Variants in CYB5R4 observed in about 807,000 individuals in gnomAD.
The protein encoded by CYB5R4 is cytochrome b5 reductase 4, also known as N-terminal cytochrome b5 and cytochrome b5 oxidoreductase domain-containing protein.
CYB5R4 carries 55 observed loss-of-function variants against 70.2 expected under a neutral mutation model. The ratio of observed to expected loss-of-function variants is 0.78; its 90% CI spans 0.63 to 0.98. The LOEUF is 0.98. Among genes scored for constraint, CYB5R4 ranks in the 50% least tolerant of loss-of-function variants. The pLI is 0.00. For synonymous variants in CYB5R4, 197 were observed against 199.5 expected (o/e 0.99, Z 0.11); for missense variants, 562 against 612.6 (o/e 0.92, Z 0.87).
chr6:83,871,208 G>C (rs1312954972), intron 2 of CYB5R4, among the ~76,000 whole-genome samples: 1 of 152,018 alleles, frequency 6.6e-6, no homozygotes, highest in Non-Finnish European at 1.5e-5. Context: ...TGGAACTCCT[G>C]ATCGCAGGTG....
chr6:83,899,084 T>C (rs1224565176), intron 3 of CYB5R4, among the ~76,000 whole-genome samples: 6 of 152,336 alleles, frequency 3.9e-5, no homozygotes, highest in African/African-American at 1.4e-4. Flanking sequence ...CCATTCAGTA[T>C]GATATTGGCT....
At position 83,921,172 on chromosome 6, in the gene CYB5R4, A is replaced by G; in HGVS notation, c.655A>G (p.Ile219Val). The G allele has an allele frequency of 6.7e-7, 1 of 1,492,004 alleles. No homozygotes were observed. The highest frequency in any genetic ancestry group is 9.1e-7 in the Non-Finnish European group (1 of 1,102,856). The allele number at this position is 1,492,004 out of a possible 1,614,324, so 92.4% of individuals were successfully genotyped here. Residue 219 changes from isoleucine to valine, a missense_variant, in exon 8 of 16, where the codon ATT becomes GTT. By Grantham distance (29) the Ile-to-Val change is conservative. Coordinates refer to ENST00000369681, the MANE Select transcript of CYB5R4 (RefSeq NM_016230.4). The stretch of plus-strand genomic sequence containing the variant: ...TAAGGATTGTTTATATCTTATACAT[A>G]TTGGTGAGTACTTTATTATTATTAA... Reference protein sequence around the residue: ...IIKDCLYLIHIGLSHEVQEDF... With the variant: ...IIKDCLYLIHVGLSHEVQEDF...
In CYB5R4 at chr6:83,965,330, C is replaced by T. The variant is rs1173709751; in HGVS notation, c.*5452C>T. ...AGAGCTGCCCAAGACCATGGGAAGC[C>T]ACCTCTTGCATCAGCGTGACCTGGA... is the stretch of plus-strand genomic sequence containing the variant. On this transcript the variant is annotated 3_prime_UTR_variant, in exon 16 of 16. Coordinates refer to ENST00000369681, the MANE Select transcript of CYB5R4 (RefSeq NM_016230.4). 1.3e-5 allele frequency: 2 copies of T among 152,264 alleles called. No individual in the cohort carries two copies. The highest frequency in any genetic ancestry group is 2.9e-5 in the Non-Finnish European group (2 of 68,078). The allele number at this position is 152,264 out of a possible 1,614,324, so 9.4% of individuals were successfully genotyped here. A position where few individuals can be genotyped will look rare whatever the true frequency, so the allele number is the denominator to read the frequency against.
At chr6:83,878,902 T>G in intron 2 of CYB5R4, among the ~76,000 whole-genome samples, 1 of 152,092 alleles carries the variant, frequency 6.6e-6, no homozygotes, top group South Asian at 2.1e-4. Flanking sequence ...TGCTAGAGGG[T>G]TTTTTTCCCC....
rs911332380 is a variant in CYB5R4, at chr6:83,960,897, C to G, written c.*1019C>G. On this transcript the variant is annotated 3_prime_UTR_variant, in exon 16 of 16. Transcript: ENST00000369681. ...ACAGATTCAGATCAGCAAAGGGTATCAAGGATAGTCATTGTGAGCTTTTCG... is the reference window on the plus strand; with the variant it reads ...ACAGATTCAGATCAGCAAAGGGTATGAAGGATAGTCATTGTGAGCTTTTCG... 2 of 152,180 alleles carry G rather than the reference C, an allele frequency of 1.3e-5. No homozygotes were observed. Among genetic ancestry groups the G allele is most frequent in the Non-Finnish European group, 2.9e-5 (2 of 68,040 alleles). The allele number at this position is 152,180 out of a possible 1,614,324, so 9.4% of individuals were successfully genotyped here.
intron 10 of CYB5R4, among the ~76,000 whole-genome samples, chr6:83,927,592 T>C (rs1465848216): frequency 6.6e-6 from 1 of 152,184 alleles, no homozygotes; most frequent in Non-Finnish European, 1.5e-5. Flanking sequence ...AGGATACAGA[T>C]AAATAGCTGG....
intron 14 of CYB5R4, among the ~76,000 whole-genome samples, chr6:83,946,933 T>A (rs945353663): frequency 2.0e-5 from 3 of 152,100 alleles, no homozygotes; most frequent in Non-Finnish European, 4.4e-5. Context: ...GGAAAAACAT[T>A]CCATGCTGAT....
At position 83,965,220 on chromosome 6, in the gene CYB5R4, C is replaced by G. The variant is rs1387944653; in HGVS notation, c.*5342C>G. The G allele has an allele frequency of 1.3e-5, 2 of 152,336 alleles. No individual in the cohort carries two copies. Among genetic ancestry groups the G allele is most frequent in the Non-Finnish European group, 2.9e-5 (2 of 68,180 alleles). 9.4% of individuals were successfully genotyped at this position (152,336 alleles called of 1,614,324 possible). On this transcript the variant is annotated 3_prime_UTR_variant, in exon 16 of 16. Coordinates refer to ENST00000369681, the MANE Select transcript of CYB5R4 (RefSeq NM_016230.4). ...TGGTAGATCGACTTACAGCTTGTAC[C>G]AGGTGCCTGGAAAAGCTGCAGATAC...
intron 14 of CYB5R4, among the ~76,000 whole-genome samples, chr6:83,946,449 C>T (rs1435781151): frequency 1.3e-5 from 2 of 152,154 alleles, no homozygotes; most frequent in Admixed American, 1.3e-4. Flanking sequence ...TTATGACAAA[C>T]CCACATCTGA....
intron 3 of CYB5R4, among the ~76,000 whole-genome samples, chr6:83,897,019 A>C (rs957180990): frequency 1.3e-5 from 2 of 151,674 alleles, no homozygotes; most frequent in Non-Finnish European, 2.9e-5. Context: ...ATTAACTCAT[A>C]ATTTATCATT....
intron 1 of CYB5R4, among the ~76,000 whole-genome samples, chr6:83,861,854 G>C (rs887785940): frequency 9.2e-5 from 14 of 152,102 alleles, no homozygotes; most frequent in African/African-American, 2.9e-4. Flanking sequence ...GAAGTATTTT[G>C]GTCTTTATTT....
At position 83,896,911 on chromosome 6, in the gene CYB5R4, C is replaced by CT. The variant is rs537727563; in HGVS notation, c.330+3300dup. ...AACAACAGTGTGTGAGTTCCATTTTCTTTTTTTTTTTATTATACTTTAAGT... is the reference window on the plus strand; with the variant it reads ...AACAACAGTGTGTGAGTTCCATTTTCTTTTTTTTTTTTATTATACTTTAAGT... On this transcript the variant is annotated intron_variant, in intron 3 of 15. Coordinates refer to ENST00000369681, the MANE Select transcript of CYB5R4 (RefSeq NM_016230.4). Among the ~76,000 whole-genome samples, 210 of 144,854 alleles carry CT rather than the reference C, an allele frequency of 1.4e-3. 4 individuals carry two copies. The South Asian group carries it at 0.028, about 19-fold the overall frequency.
intron 14 of CYB5R4, among the ~76,000 whole-genome samples, chr6:83,947,634 G>A (rs933059628): frequency 6.6e-6 from 1 of 152,142 alleles, no homozygotes; most frequent in Non-Finnish European, 1.5e-5. Flanking sequence ...GAAAATGTTT[G>A]CAATCTATCC....
At chr6:83,910,541 G>A (rs1448946156) in intron 4 of CYB5R4, among the ~76,000 whole-genome samples, 1 of 152,208 alleles carries the variant, frequency 6.6e-6, no homozygotes, top group Non-Finnish European at 1.5e-5. Context: ...TCCCTGGTTA[G>A]GGGGCAGATG....
At chr6:83,906,681 C>T (rs2129137275) in intron 3 of CYB5R4, among the ~76,000 whole-genome samples, 1 of 152,302 alleles carries the variant, frequency 6.6e-6, no homozygotes, top group Middle Eastern at 3.4e-3. Context: ...TTTCAGTGTT[C>T]TCTCTGGATG....
In CYB5R4 at chr6:83,966,694, A is replaced by G. The variant is rs1483188078; in HGVS notation, c.*6816A>G. ...CAACAAGAGTGAAACTCCATCTCAA[A>G]AAATAAAACAAATAAAAAGGATTCT... is the stretch of plus-strand genomic sequence containing the variant. On this transcript the variant is annotated 3_prime_UTR_variant, in exon 16 of 16. Transcript: ENST00000369681. 1 of 152,252 alleles carries G rather than the reference A, an allele frequency of 6.6e-6. No homozygotes were observed. Among genetic ancestry groups the G allele is most frequent in the Non-Finnish European group, 1.5e-5 (1 of 68,058 alleles). The allele number at this position is 152,252 out of a possible 1,614,324, so 9.4% of individuals were successfully genotyped here. A position where few individuals can be genotyped will look rare whatever the true frequency, so the allele number is the denominator to read the frequency against.
intron 14 of CYB5R4, among the ~76,000 whole-genome samples, chr6:83,954,328 C>G (rs912765042): frequency 6.6e-6 from 1 of 152,102 alleles, no homozygotes; most frequent in African/African-American, 2.4e-5. Context: ...TAAATTGCAG[C>G]CAGAGATTAA....
At chr6:83,891,245 C>G (rs2099461080) in intron 2 of CYB5R4, among the ~76,000 whole-genome samples, 1 of 152,190 alleles carries the variant, frequency 6.6e-6, no homozygotes, top group East Asian at 1.9e-4. Context: ...CCATGCCTGG[C>G]CTAAACATAA....
At chr6:83,940,709 G>A in intron 14 of CYB5R4, 108 bp downstream of exon 14, 1 of 1,260,346 alleles carries the variant, frequency 7.9e-7, no homozygotes. Context: ...CTCCTTCAAA[G>A]AAAAAAAATA....
Sources: allele counts gnomAD v4.1 joint callset (sites outside exome capture counted in the v4.1 genomes callset), GRCh38; gene constraint gnomAD v4.1.1; transcripts MANE v1.5; gene names NCBI Gene and HGNC (gene_info 2026-07-23, HGNC 2026-07-21).